The following MILR1 variants were observed in gnomAD, a reference collection of about 807,000 sequenced individuals.
MILR1 encodes mast cell immunoglobulin like receptor 1.
Under a neutral mutation model 18.5 loss-of-function variants are expected in MILR1, and 31 were observed. That is an observed-to-expected ratio of 1.68 (90% CI 1.26 to 2.26). The LOEUF (loss-of-function observed/expected upper bound fraction) is 2.26. MILR1 is among the 30% of genes most tolerant of loss of function. The pLI is 0.00. For synonymous variants in MILR1, 85 were observed against 56.2 expected (o/e 1.51, Z -2.30); for missense variants, 257 against 157.4 (o/e 1.63, Z -3.38).
Position 64,466,608 on chromosome 17 carries a change from C to A in MILR1, c.925C>A (p.Gln309Lys). 6.2e-7 allele frequency: 1 copy of A among 1,611,284 alleles called. No homozygotes were observed. Among genetic ancestry groups the A allele is most frequent in the South Asian group, 1.1e-5 (1 of 90,448 alleles). Residue 309 changes from glutamine to lysine, a missense_variant, in exon 8 of 10, where the codon CAG becomes AAG. Physicochemically the swap from Gln to Lys is moderately conservative, Grantham distance 53. Transcript: ENST00000619286. ...CTTTTGCCCAGAGGCCAAACACTCC[C>A]AGGAGCTACAGTATGCCACCCCCGT... ...STAQDEAKHS[Q>K]ELQYATPVFQ...
At chr17:64,474,271 C>T in the MILR1 span, among the ~76,000 whole-genome samples, 1 of 152,160 alleles carries the variant, frequency 6.6e-6, no homozygotes, top group Non-Finnish European at 1.5e-5. Flanking sequence ...AACGGGGTTT[C>T]ACCGTGTTGG....
chr17:64,472,554 T>C (rs544953650), downstream of MILR1, among the ~76,000 whole-genome samples: 1 of 147,342 alleles, frequency 6.8e-6, no homozygotes, highest in African/African-American at 2.5e-5. Context: ...CAGTCATTCA[T>C]GGACCAAATA....
chr17:64,483,033 G>C, the MILR1 span: 1 of 1,068,516 alleles, frequency 9.4e-7, no homozygotes, highest in Admixed American at 1.8e-5. Context: ...GAGAAGACAG[G>C]AAAGGGGAAA....
chr17:64,465,396 A>T (rs1035425230), intron 5 of MILR1, 56 bp from the exon 6 acceptor site: 1 of 1,256,708 alleles, frequency 8.0e-7, no homozygotes, highest in Admixed American at 2.0e-5. Context: ...GGCCGAGGAG[A>T]TGAGAAAAAT....
chr17:64,460,113 C>A (rs972085608), intron 4 of MILR1, among the ~76,000 whole-genome samples: 1 of 151,582 alleles, frequency 6.6e-6, no homozygotes, highest in Non-Finnish European at 1.5e-5. Context: ...GCAACCTCCG[C>A]CTCCTGGGTT....
the MILR1 span, among the ~76,000 whole-genome samples, chr17:64,486,360 A>AT: frequency 6.6e-5 from 8 of 120,528 alleles, no homozygotes; most frequent in African/African-American, 3.7e-4. Flanking sequence ...GAAAGGTAAC[A>AT]CTTTTTTTTT....
chr17:64,461,620 C>T (rs1397064427), intron 5 of MILR1, among the ~76,000 whole-genome samples: 3 of 152,132 alleles, frequency 2.0e-5, no homozygotes, highest in African/African-American at 7.2e-5. Context: ...ATATACATAA[C>T]ACTAAATGGG....
At chr17:64,452,178 C>T (rs7211797) in intron 2 of MILR1, among the ~76,000 whole-genome samples, 7,950 of 150,886 alleles carry the variant, frequency 0.053, 741 homozygotes, top group African/African-American at 0.18. Context: ...CCTCAAGTGA[C>T]CCTCCCACCA....
the MILR1 span, among the ~76,000 whole-genome samples, chr17:64,495,241 T>C: frequency 6.7e-6 from 1 of 150,004 alleles, no homozygotes; most frequent in Non-Finnish European, 1.5e-5. Flanking sequence ...CTGAGGGTCA[T>C]TGCTTCTAGG....
chr17:64,472,496 A>AAAAAAAAAAAAAC (rs2037704806), downstream of MILR1, among the ~76,000 whole-genome samples: 1 of 147,502 alleles, frequency 6.8e-6, no homozygotes, highest in African/African-American at 2.6e-5. Context: ...AAAAAAAAAA[A>AAAAAAAAAAAAAC]AGAATAACTA....
intron 9 of MILR1, 28 bp from the exon 10 acceptor site, chr17:64,468,282 C>A (rs2037625034): frequency 2.2e-6 from 1 of 455,734 alleles, no homozygotes; most frequent in Non-Finnish European, 4.4e-6. Flanking sequence ...TTTATATTCT[C>A]TCTTGTCTCT....
the MILR1 span, chr17:64,493,075 T>C: frequency 1.3e-6 from 2 of 1,580,864 alleles, no homozygotes; most frequent in Non-Finnish European, 1.7e-6. Flanking sequence ...ACCCAAATCA[T>C]TTTTGTCAAT....
At chr17:64,469,716 G>A (rs2037658702), downstream of MILR1, among the ~76,000 whole-genome samples, 1 of 151,978 alleles carries the variant, frequency 6.6e-6, no homozygotes, top group African/African-American at 2.4e-5. Context: ...TCCTGATCTA[G>A]TCTTATATCC....
chr17:64,484,571 G>A, the MILR1 span, among the ~76,000 whole-genome samples: 6 of 152,148 alleles, frequency 3.9e-5, no homozygotes, highest in Admixed American at 3.9e-4. Flanking sequence ...AGGAGTGGCG[G>A]TGGCTTATAG....
the MILR1 span, among the ~76,000 whole-genome samples, chr17:64,493,184 G>A: frequency 1.4e-4 from 22 of 152,152 alleles, no homozygotes; most frequent in South Asian, 6.2e-4. Flanking sequence ...TTGGGAGGTC[G>A]AGGTGGGCAG....
chr17:64,450,328 G>A (rs1405542736), intron 2 of MILR1, among the ~76,000 whole-genome samples: 1 of 152,144 alleles, frequency 6.6e-6, no homozygotes, highest in Non-Finnish European at 1.5e-5. Context: ...CACAGTGCCA[G>A]GCATATGGTA....
the MILR1 span, among the ~76,000 whole-genome samples, chr17:64,475,681 C>G: frequency 6.6e-6 from 1 of 150,726 alleles, no homozygotes. Flanking sequence ...AAAAAGTACT[C>G]TAGCCAACAA....
At chr17:64,495,151 C>A in the MILR1 span, among the ~76,000 whole-genome samples, 8 of 127,768 alleles carry the variant, frequency 6.3e-5, no homozygotes, top group South Asian at 4.7e-4. Context: ...GCACTCCAGC[C>A]TGGGCGGCAG....
the MILR1 span, among the ~76,000 whole-genome samples, chr17:64,475,809 T>C: frequency 4.5e-3 from 327 of 72,708 alleles, 1 homozygote; most frequent in African/African-American, 0.073. Flanking sequence ...TACCACTTCC[T>C]TTTTTTTTTT....
Sources: allele counts gnomAD v4.1 joint callset (sites outside exome capture counted in the v4.1 genomes callset), GRCh38; gene constraint gnomAD v4.1.1; transcripts MANE v1.5; gene names NCBI Gene and HGNC (gene_info 2026-07-23, HGNC 2026-07-21).